MVB12B: variants seen among roughly 807,000 people sequenced by gnomAD.
The protein encoded by MVB12B is ESCRT-I complex subunit MVB12B.
MVB12B carries 16 observed loss-of-function variants against 41.6 expected under a neutral mutation model. The ratio of observed to expected loss-of-function variants is 0.38; its 90% CI spans 0.26 to 0.58. MVB12B has a LOEUF of 0.58. Ranked by LOEUF, MVB12B falls within the 20% of genes least tolerant of loss-of-function variation. The probability of loss-of-function intolerance (pLI) is 0.62; values close to 1 mark genes in which losing one functional copy is unlikely to be tolerated. For synonymous variants in MVB12B, 133 were observed against 139.7 expected (o/e 0.95, Z 0.34); for missense variants, 274 against 380.2 (o/e 0.72, Z 2.32).
At chr9:126,450,664 C>T (rs1183389345) in intron 7 of MVB12B, among the ~76,000 whole-genome samples, 1 of 152,162 alleles carries the variant, frequency 6.6e-6, no homozygotes, top group East Asian at 1.9e-4. Flanking sequence ...GAGTGCTTCA[C>T]CCAAACTCTC....
rs115584381 is a variant in MVB12B, at chr9:126,420,365, G to A, written c.663-1489G>A. ...CTGCTGGTTCCCCAAAGCCCTGAGC[G>A]TACAGTTGGTGCTTGATTCAGCCTG... On this transcript the variant is annotated intron_variant, in intron 6 of 9. Coordinates refer to ENST00000361171, the MANE Select transcript of MVB12B (RefSeq NM_033446.3). Among the ~76,000 whole-genome samples the A allele has an allele frequency of 5.7e-3, 864 of 152,284 alleles. 9 individuals carry two copies. Among genetic ancestry groups the A allele is most frequent in the African/African-American group, 0.018 (759 of 41,552 alleles).
At chr9:126,422,065 T>G in intron 7 of MVB12B, 117 bp downstream of exon 7, 1 of 752,860 alleles carries the variant, frequency 1.3e-6, no homozygotes. Context: ...TTTTCTTCCC[T>G]GCAGGGGACC....
chr9:126,414,424 A>C lies in MVB12B; in HGVS notation c.663-7430A>C, dbSNP rs116433784. On this transcript the variant is annotated intron_variant, in intron 6 of 9. Transcript: ENST00000361171. ...CCGGGCAGTTCCGTGGGCAGGGGGA[A>C]GGGGAGGATAGCTTGGTAACACTCC... Among the ~76,000 whole-genome samples, 58 of 152,318 alleles carry C rather than the reference A, an allele frequency of 3.8e-4. 1 individual carries two copies. The highest frequency in any genetic ancestry group is 1.4e-3 in the African/African-American group (58 of 41,580).
At chr9:126,415,333 G>C (rs1452546039) in intron 6 of MVB12B, among the ~76,000 whole-genome samples, 1 of 152,196 alleles carries the variant, frequency 6.6e-6, no homozygotes, top group Non-Finnish European at 1.5e-5. Flanking sequence ...ATGGATGCCA[G>C]TCCATAGACA....
chr9:126,477,275 C>A (rs561488169), intron 7 of MVB12B, among the ~76,000 whole-genome samples: 11 of 152,314 alleles, frequency 7.2e-5, no homozygotes, highest in African/African-American at 2.6e-4. Flanking sequence ...ACCTCCATGA[C>A]CCAAACACCT....
intron 7 of MVB12B, among the ~76,000 whole-genome samples, chr9:126,430,738 G>A (rs1160604122): frequency 6.6e-6 from 1 of 151,914 alleles, no homozygotes; most frequent in East Asian, 1.9e-4. Flanking sequence ...GAAGCATAGG[G>A]TCAGAATCTT....
chr9:126,497,769 A>G (rs1053271830), intron 9 of MVB12B, among the ~76,000 whole-genome samples: 10 of 152,172 alleles, frequency 6.6e-5, no homozygotes, highest in African/African-American at 2.2e-4. Context: ...AGCCTCTCCA[A>G]TGTCTCTAGA....
intron 7 of MVB12B, among the ~76,000 whole-genome samples, chr9:126,461,612 A>G (rs1236917202): frequency 6.6e-6 from 1 of 152,240 alleles, no homozygotes; most frequent in Non-Finnish European, 1.5e-5. Context: ...GTTCAAAGCA[A>G]TAAAGCGAAA....
At chr9:126,451,182 G>T (rs770056650) in intron 7 of MVB12B, among the ~76,000 whole-genome samples, 2 of 152,218 alleles carry the variant, frequency 1.3e-5, no homozygotes, top group Non-Finnish European at 2.9e-5. Flanking sequence ...GCCATAGGGA[G>T]TCAGGCCCTT....
intron 6 of MVB12B, among the ~76,000 whole-genome samples, chr9:126,406,732 G>A (rs1470909401): frequency 6.6e-6 from 1 of 152,070 alleles, no homozygotes; most frequent in Admixed American, 6.5e-5. Context: ...TCGGTGTTTT[G>A]GCATTGCAAG....
At chr9:126,421,239 A>G (rs551767823) in intron 6 of MVB12B, among the ~76,000 whole-genome samples, 3 of 152,344 alleles carry the variant, frequency 2.0e-5, no homozygotes, top group African/African-American at 7.2e-5. Flanking sequence ...ACTGTGCTGT[A>G]TCTGTCTGGA....
chr9:126,495,203 AAAAATG>A (rs1037684076), intron 9 of MVB12B, among the ~76,000 whole-genome samples: 21 of 151,732 alleles, frequency 1.4e-4, no homozygotes, highest in Admixed American at 1.1e-3. Context: ...AAAAAAAAAA[AAAAATG>A]AGAGAGAGAG....
In MVB12B at chr9:126,464,967, C is replaced by T. The variant is rs1470967674; in HGVS notation, c.758-16402C>T. On this transcript the variant is annotated intron_variant, in intron 7 of 9. Coordinates refer to ENST00000361171, the MANE Select transcript of MVB12B (RefSeq NM_033446.3). ...TTCCCTTAGACAGATGCTCTCGTGCCGGTATCGGCTTCAGACACCCAGAGC... is the reference window on the plus strand; with the variant it reads ...TTCCCTTAGACAGATGCTCTCGTGCTGGTATCGGCTTCAGACACCCAGAGC... 2.6e-5 allele frequency among the ~76,000 whole-genome samples: 4 copies of T among 152,198 alleles called. No homozygotes were observed. In the South Asian group the frequency reaches 6.2e-4, roughly 24 times the overall value.
chr9:126,437,094 C>T (rs549411379), intron 7 of MVB12B, among the ~76,000 whole-genome samples: 3 of 152,232 alleles, frequency 2.0e-5, no homozygotes, highest in East Asian at 1.9e-4. Context: ...GCTGAGCTGC[C>T]GTGTGGGTGG....
intron 7 of MVB12B, among the ~76,000 whole-genome samples, chr9:126,444,482 T>C (rs1832717010): frequency 6.6e-6 from 1 of 152,216 alleles, no homozygotes; most frequent in Non-Finnish European, 1.5e-5. Context: ...CCACTTGTGT[T>C]ACTCGAGACC....
chr9:126,498,342 C>T (rs1453547861), intron 9 of MVB12B, among the ~76,000 whole-genome samples: 1 of 152,168 alleles, frequency 6.6e-6, no homozygotes, highest in Non-Finnish European at 1.5e-5. Flanking sequence ...GTGCTAGGGC[C>T]AGGCCCATCC....
At chr9:126,346,749 G>C (rs1829599938) in intron 2 of MVB12B, among the ~76,000 whole-genome samples, 1 of 152,238 alleles carries the variant, frequency 6.6e-6, no homozygotes, top group African/African-American at 2.4e-5. Context: ...AGGGGACTAA[G>C]CCTGAGCATC....
chr9:126,440,294 C>G (rs1207934517), intron 7 of MVB12B, among the ~76,000 whole-genome samples: 1 of 152,228 alleles, frequency 6.6e-6, no homozygotes, highest in African/African-American at 2.4e-5. Context: ...CGAAGTACCT[C>G]TCCAAGGTTA....
chr9:126,361,958 G>A (rs372253439), intron 2 of MVB12B, among the ~76,000 whole-genome samples: 21 of 149,370 alleles, frequency 1.4e-4, no homozygotes, highest in African/African-American at 4.9e-4. Flanking sequence ...CTTATGGCTT[G>A]CATTGTTTCT....
Sources: allele counts gnomAD v4.1 joint callset (sites outside exome capture counted in the v4.1 genomes callset), GRCh38; gene constraint gnomAD v4.1.1; transcripts MANE v1.5; gene names NCBI Gene and HGNC (gene_info 2026-07-23, HGNC 2026-07-21).